The following MAP4K3 variants were observed in gnomAD, a reference collection of about 807,000 sequenced individuals.
The protein encoded by MAP4K3 is MAPK/ERK kinase kinase kinase 3.
In MAP4K3, 94 loss-of-function variants were observed where a neutral mutation model predicts 143.5. The ratio of observed to expected loss-of-function variants is 0.65; its 90% CI spans 0.55 to 0.78. The LOEUF (loss-of-function observed/expected upper bound fraction) is 0.78. MAP4K3 is among the 30% of genes least tolerant of loss of function. MAP4K3 has a pLI of 0.00. For synonymous variants in MAP4K3, 416 were observed against 347.2 expected (o/e 1.20, Z -2.20); for missense variants, 1,077 against 1,068.1 (o/e 1.01, Z -0.12).
At chr2:39,372,112 A>C (rs992897613) in intron 2 of MAP4K3, among the ~76,000 whole-genome samples, 1 of 151,842 alleles carries the variant, frequency 6.6e-6, no homozygotes, top group Non-Finnish European at 1.5e-5. Context: ...TAAATATTCA[A>C]AAAGTAGTAT....
intron 2 of MAP4K3, among the ~76,000 whole-genome samples, chr2:39,369,893 T>C (rs1198747764): frequency 6.6e-6 from 1 of 152,218 alleles, no homozygotes; most frequent in Admixed American, 6.5e-5. Flanking sequence ...TCACCGTTCC[T>C]TACTGCCAGC....
rs754337934 is a variant in MAP4K3, at chr2:39,346,439, T to G, written c.246-2987A>C. 1.8e-3 allele frequency among the ~76,000 whole-genome samples: 270 copies of G among 152,280 alleles called. 2 individuals are homozygous for G. Among genetic ancestry groups the G allele is most frequent in the Middle Eastern group, 3.4e-3 (1 of 294 alleles). ...TCTTATACTTAAAAAAAAATAGTAG[T>G]TTTGATTCATTTCCCTTTGTTTTTG... On this transcript the variant is annotated intron_variant, in intron 3 of 33. Transcript: ENST00000263881.
At chr2:39,334,283 A>G (rs559683960) in intron 6 of MAP4K3, among the ~76,000 whole-genome samples, 1 of 152,296 alleles carries the variant, frequency 6.6e-6, no homozygotes, top group African/African-American at 2.4e-5. Context: ...TTTGGAAGAG[A>G]TAGCAATACT....
chr2:39,379,452 G>C (rs977435866), intron 1 of MAP4K3, among the ~76,000 whole-genome samples: 3 of 151,846 alleles, frequency 2.0e-5, no homozygotes, highest in Non-Finnish European at 4.4e-5. Flanking sequence ...CCATAAAATG[G>C]GATAGATGTT....
At chr2:39,317,374 G>A (rs1202464539) in intron 12 of MAP4K3, among the ~76,000 whole-genome samples, 3 of 151,956 alleles carry the variant, frequency 2.0e-5, no homozygotes, top group Non-Finnish European at 2.9e-5. Flanking sequence ...TGATGAAGAT[G>A]CCAAAAGCAA....
At chr2:39,355,461 G>A (rs370118848) in intron 3 of MAP4K3, among the ~76,000 whole-genome samples, 2 of 151,752 alleles carry the variant, frequency 1.3e-5, no homozygotes, top group African/African-American at 4.8e-5. Flanking sequence ...AGCCTAGGGA[G>A]GTCAAGGCTG....
In MAP4K3 at chr2:39,309,865, G is replaced by A. The variant is rs1233275851; in HGVS notation, c.998-346C>T. Among the ~76,000 whole-genome samples, 3 of 152,044 alleles carry A rather than the reference G, an allele frequency of 2.0e-5. No homozygotes were observed. The East Asian group carries it at 5.8e-4, about 29-fold the overall frequency. The stretch of plus-strand genomic sequence containing the variant: ...GAGCCACTGCGCCCGGCCAAAACCA[G>A]GATGTTTTTATATTCTTAATGATAT... On this transcript the variant is annotated intron_variant, in intron 13 of 33. Transcript: ENST00000263881.
intron 2 of MAP4K3, among the ~76,000 whole-genome samples, chr2:39,375,884 T>C (rs1228830928): frequency 1.3e-5 from 2 of 152,218 alleles, no homozygotes; most frequent in East Asian, 3.8e-4. Context: ...CACGTTTTGG[T>C]CACCTATGTT....
chr2:39,358,595 T>A (rs543664572), intron 2 of MAP4K3, among the ~76,000 whole-genome samples: 1 of 152,186 alleles, frequency 6.6e-6, no homozygotes, highest in Admixed American at 6.5e-5. Context: ...CAACTCTATG[T>A]GATTGTGAGA....
chr2:39,254,400 G>C (rs1382847926), intron 32 of MAP4K3, 50 bp downstream of exon 32: 6 of 1,420,852 alleles, frequency 4.2e-6, no homozygotes, highest in Non-Finnish European at 6.0e-6. Context: ...ACTGTTTGAA[G>C]TGGAATTTGA....
intron 1 of MAP4K3, among the ~76,000 whole-genome samples, chr2:39,430,522 A>C (rs538432560): frequency 1.4e-4 from 22 of 152,304 alleles, no homozygotes; most frequent in Admixed American, 5.9e-4. Context: ...GGTATGAAAA[A>C]ATAAATAAAA....
In MAP4K3 at chr2:39,250,480, A is replaced by T; in HGVS notation, c.*138T>A. On this transcript the variant is annotated 3_prime_UTR_variant, in exon 34 of 34. Transcript: ENST00000263881. ...TACCACTTAAAACAAAATTTTCCCC[A>T]TCTTATCTCATGCCACAATAAATTA... 1.3e-6 allele frequency: 1 copy of T among 791,802 alleles called. No individual in the cohort carries two copies. The highest frequency in any genetic ancestry group is 2.1e-5 in the South Asian group (1 of 47,934). 49.0% of individuals were successfully genotyped at this position (791,802 alleles called of 1,614,324 possible).
intron 2 of MAP4K3, among the ~76,000 whole-genome samples, chr2:39,362,028 T>A (rs568279289): frequency 6.6e-6 from 1 of 152,250 alleles, no homozygotes; most frequent in East Asian, 1.9e-4. Context: ...AAGTACCTTA[T>A]GAATTAATAA....
intron 21 of MAP4K3, chr2:39,283,721 T>G (rs1341186005): frequency 6.6e-6 from 1 of 152,226 alleles, no homozygotes; most frequent in Non-Finnish European, 1.5e-5. Flanking sequence ...TGCTGAAGAA[T>G]GCCAGATATT....
chr2:39,339,440 A>G (rs1353671744), intron 4 of MAP4K3, among the ~76,000 whole-genome samples: 1 of 152,202 alleles, frequency 6.6e-6, no homozygotes, highest in East Asian at 1.9e-4. Context: ...ACAAACAGTA[A>G]GATACTTTCC....
intron 8 of MAP4K3, 97 bp from the exon 9 acceptor site, chr2:39,326,374 G>C (rs982251314): frequency 7.7e-6 from 10 of 1,298,260 alleles, no homozygotes; most frequent in African/African-American, 1.5e-5. Context: ...TCTAAATTAA[G>C]GCCTCTTTAG....
intron 16 of MAP4K3, 90 bp downstream of exon 16, chr2:39,299,648 TAATAC>T: frequency 7.0e-6 from 4 of 569,654 alleles, no homozygotes; most frequent in Non-Finnish European, 1.2e-5. Flanking sequence ...TCTACCAGCC[TAATAC>T]AATTTTCTAC....
At chr2:39,258,473 T>C (rs1558603541) in intron 30 of MAP4K3, 33 bp from the exon 31 acceptor site, 11 of 1,601,254 alleles carry the variant, frequency 6.9e-6, no homozygotes, top group Non-Finnish European at 9.4e-6. Flanking sequence ...GAAACTAAGA[T>C]AAAAGAAGTC....
At chr2:39,403,920 C>T (rs987887738) in intron 1 of MAP4K3, among the ~76,000 whole-genome samples, 12 of 151,176 alleles carry the variant, frequency 7.9e-5, no homozygotes, top group East Asian at 2.0e-4. Flanking sequence ...CAGTTAGGAT[C>T]GTGAAGCACC....
Sources: gnomAD v4.1 joint callset for allele counts (sites outside exome capture counted in the v4.1 genomes callset) on GRCh38, gnomAD v4.1.1 for gene constraint, MANE v1.5 for transcripts, NCBI Gene and HGNC (gene_info 2026-07-23, HGNC 2026-07-21) for gene names.